The following NTM variants were observed in gnomAD, a reference collection of about 807,000 sequenced individuals.
NTM encodes the protein IgLON family member 2.
NTM carries 13 observed loss-of-function variants against 42.1 expected under a neutral mutation model. The ratio of observed to expected loss-of-function variants is 0.31; its 90% CI spans 0.20 to 0.49. The LOEUF (loss-of-function observed/expected upper bound fraction) is 0.49. Among genes scored for constraint, NTM ranks in the 20% least tolerant of loss-of-function variants. The pLI is 0.99. For missense variants in NTM, 373 were observed against 452.8 expected, an observed-to-expected ratio of 0.82 and a Z score of 1.60; for synonymous variants, 187 against 179.2, an observed-to-expected ratio of 1.04 and a Z score of -0.35.
At chr11:131,923,556 T>G (rs1254711392) in intron 2 of NTM, among the ~76,000 whole-genome samples, 1 of 150,866 alleles carries the variant, frequency 6.6e-6, no homozygotes, top group East Asian at 2.0e-4. Flanking sequence ...GTGACACACT[T>G]CATAAAATCT....
At chr11:131,704,735 A>T (rs1001432106) in intron 1 of NTM, among the ~76,000 whole-genome samples, 1 of 152,244 alleles carries the variant, frequency 6.6e-6, no homozygotes, top group African/African-American at 2.4e-5. Flanking sequence ...ACTAAAAATC[A>T]GGAAAATAAC....
At chr11:132,327,511 T>C (rs1457354913) in intron 7 of NTM, among the ~76,000 whole-genome samples, 2 of 152,202 alleles carry the variant, frequency 1.3e-5, no homozygotes. Flanking sequence ...TATGTGTGTC[T>C]AGATAACAGA....
At chr11:131,580,517 C>T (rs997733571) in intron 1 of NTM, among the ~76,000 whole-genome samples, 5 of 152,114 alleles carry the variant, frequency 3.3e-5, no homozygotes, top group Non-Finnish European at 7.3e-5. Context: ...AAGGCACACA[C>T]TCTCCAGGAT....
chr11:131,913,374 A>T (rs1403572309), intron 2 of NTM, among the ~76,000 whole-genome samples: 1 of 151,818 alleles, frequency 6.6e-6, no homozygotes, highest in Non-Finnish European at 1.5e-5. Flanking sequence ...CTCTGTAGAG[A>T]CTTGAAGATA....
At chr11:131,660,961 G>A (rs199582670) in intron 1 of NTM, 521 of 1,304,092 alleles carry the variant, frequency 4.0e-4, no homozygotes, top group Non-Finnish European at 5.0e-4. Flanking sequence ...CATCCCCAAG[G>A]CAAAGTTGGA....
At chr11:132,201,661 C>T (rs1356406975) in intron 3 of NTM, among the ~76,000 whole-genome samples, 1 of 152,210 alleles carries the variant, frequency 6.6e-6, no homozygotes, top group Non-Finnish European at 1.5e-5. Context: ...TAAATAAATC[C>T]TGGTCAGCAC....
At chr11:131,789,429 G>GAAAGAA (rs1555127048) in intron 1 of NTM, among the ~76,000 whole-genome samples, 1 of 11,964 alleles carries the variant, frequency 8.4e-5, no homozygotes, top group African/African-American at 5.2e-4. Context: ...AAAAGAAGAA[G>GAAAGAA]GAAGAAGAAG....
intron 1 of NTM, among the ~76,000 whole-genome samples, chr11:131,841,454 G>A (rs1386253343): frequency 1.3e-5 from 2 of 152,186 alleles, no homozygotes; most frequent in East Asian, 1.9e-4. Context: ...ATCAAATACA[G>A]TGATTTCCAA....
intron 1 of NTM, among the ~76,000 whole-genome samples, chr11:131,624,681 A>T (rs1354437481): frequency 1.3e-5 from 2 of 152,194 alleles, no homozygotes; most frequent in East Asian, 3.9e-4. Context: ...TTAACAAATG[A>T]TTGTTTTGTG....
intron 1 of NTM, among the ~76,000 whole-genome samples, chr11:131,804,628 C>T (rs900224342): frequency 2.0e-5 from 3 of 152,190 alleles, no homozygotes; most frequent in Non-Finnish European, 2.9e-5. Context: ...AGGGTTATAG[C>T]CTCTGCAACA....
intron 2 of NTM, among the ~76,000 whole-genome samples, chr11:131,953,537 A>G (rs1021900667): frequency 6.6e-6 from 1 of 152,216 alleles, no homozygotes; most frequent in Admixed American, 6.5e-5. Context: ...GAAAAAATAG[A>G]CAATTTTACC....
intron 4 of NTM, among the ~76,000 whole-genome samples, chr11:132,298,979 A>C (rs2094730926): frequency 6.6e-6 from 1 of 152,148 alleles, no homozygotes; most frequent in African/African-American, 2.4e-5. Context: ...TTTATGAAAA[A>C]ATCTGGTTAA....
At chr11:132,064,056 T>G (rs1472816329) in intron 2 of NTM, among the ~76,000 whole-genome samples, 1 of 151,988 alleles carries the variant, frequency 6.6e-6, no homozygotes, top group Non-Finnish European at 1.5e-5. Flanking sequence ...AGGGACATCA[T>G]GTTGGAAAAG....
chr11:132,045,988 T>C (rs774586229), intron 2 of NTM, among the ~76,000 whole-genome samples: 6 of 152,220 alleles, frequency 3.9e-5, no homozygotes, highest in Non-Finnish European at 8.8e-5. Flanking sequence ...GTTGCTTATA[T>C]AAAGACTCCA....
At chr11:132,295,803 G>C (rs890654538) in intron 4 of NTM, among the ~76,000 whole-genome samples, 1 of 152,138 alleles carries the variant, frequency 6.6e-6, no homozygotes, top group African/African-American at 2.4e-5. Context: ...AGCAGTGGTA[G>C]GATTTAAGCA....
intron 2 of NTM, among the ~76,000 whole-genome samples, chr11:132,099,159 TGA>T (rs2061360326): frequency 6.6e-6 from 1 of 152,014 alleles, no homozygotes; most frequent in Non-Finnish European, 1.5e-5. Context: ...AAATTGTAAA[TGA>T]GAGATAAAGG....
intron 1 of NTM, among the ~76,000 whole-genome samples, chr11:131,513,611 G>C (rs891333681): frequency 6.6e-6 from 1 of 152,198 alleles, no homozygotes; most frequent in African/African-American, 2.4e-5. Context: ...TGAAAAGACT[G>C]ATATGAAAGC....
chr11:131,615,523 G>A (rs925803494), intron 1 of NTM, among the ~76,000 whole-genome samples: 15 of 152,042 alleles, frequency 9.9e-5, no homozygotes, highest in African/African-American at 3.6e-4. Context: ...CCACCACAAT[G>A]CCTGGCTAAT....
intron 1 of NTM, among the ~76,000 whole-genome samples, chr11:131,821,388 A>C (rs2093181547): frequency 6.6e-6 from 1 of 152,170 alleles, no homozygotes; most frequent in Non-Finnish European, 1.5e-5. Context: ...GTGATCAGTT[A>C]CCCAGAGCTC....
Sources: allele counts gnomAD v4.1 joint callset (sites outside exome capture counted in the v4.1 genomes callset), GRCh38; gene constraint gnomAD v4.1.1; transcripts MANE v1.5; gene names NCBI Gene and HGNC (gene_info 2026-07-23, HGNC 2026-07-21).